ELL: variants seen among roughly 807,000 people sequenced by gnomAD.
ELL encodes the protein RNA polymerase II elongation factor ELL.
Under a neutral mutation model 64.0 loss-of-function variants are expected in ELL, and 18 were observed. That is an observed-to-expected ratio of 0.28 (90% CI 0.19 to 0.42). The LOEUF is 0.42. Among genes scored for constraint, ELL ranks in the 10% least tolerant of loss-of-function variants. ELL has a pLI of 1.00. For missense variants in ELL, 797 were observed against 870.4 expected, an observed-to-expected ratio of 0.92 and a Z score of 1.06; for synonymous variants, 399 against 376.2, an observed-to-expected ratio of 1.06 and a Z score of -0.70.
intron 2 of ELL, among the ~76,000 whole-genome samples, chr19:18,467,725 A>G (rs1600454053): frequency 9.7e-6 from 1 of 103,062 alleles, no homozygotes; most frequent in Admixed American, 1.1e-4. Flanking sequence ...CCACAACCAC[A>G]CAATCCCCAC....
At position 18,446,404 on chromosome 19, in the gene ELL, G is replaced by A. The variant is rs752339488; in HGVS notation, c.1609C>T (p.Arg537Cys). 19 of 1,612,248 alleles carry A rather than the reference G, an allele frequency of 1.2e-5. No individual in the cohort carries two copies. In the Middle Eastern group the frequency reaches 9.9e-4, roughly 84 times the overall value. Residue 537 changes from arginine (R) to cysteine (C), a missense_variant, in exon 10 of 12, where the codon CGC becomes TGC. By Grantham distance (180) the Arg-to-Cys change is radical. Coordinates refer to ENST00000262809, the MANE Select transcript of ELL (RefSeq NM_006532.4). ...CGCTCAATGCGGGCGTGCAGGTCGC[G>A]GTACTCGCTGTACTCGGCATTGAAG... ...NDFNAEYSEY[R>C]DLHARIERIT...
intron 1 of ELL, among the ~76,000 whole-genome samples, chr19:18,483,258 C>T (rs576403530): frequency 6.6e-6 from 1 of 152,290 alleles, no homozygotes; most frequent in African/African-American, 2.4e-5. Flanking sequence ...GGGTCATGAC[C>T]ACAGATGCTC....
At chr19:18,520,922 G>A (rs768819090) in intron 1 of ELL, among the ~76,000 whole-genome samples, 8 of 152,010 alleles carry the variant, frequency 5.3e-5, no homozygotes, top group Admixed American at 1.3e-4. Flanking sequence ...CAGACGGGGG[G>A]AGGGGGGGCC....
rs748345719 is a variant in ELL, at chr19:18,446,786, A to C, written c.1494T>G (p.Ser498Arg). 2 of 1,613,974 alleles carry C rather than the reference A, an allele frequency of 1.2e-6. No individual in the cohort carries two copies. The highest frequency in any genetic ancestry group is 2.7e-5 in the African/African-American group (2 of 74,942). The change falls in exon 9 of 12, where the codon AGT (serine) becomes AGG (arginine). Residue 498 changes from serine (S) to arginine (R), a missense_variant. Physicochemically the swap from Ser to Arg is moderately radical, Grantham distance 110 (BLOSUM62 -1). Transcript: ENST00000262809. ...PGLNGTCSVSSVPTSTSETPD... is the reference protein window; with the variant it reads ...PGLNGTCSVSRVPTSTSETPD... ...GCGTCTCCGACGTGGACGTGGGAAC[A>C]CTGGAAACGCTGCAGGTTCCGTTTA...
chr19:18,522,036 T>A lies in ELL; in HGVS notation c.20A>T (p.Asp7Val), dbSNP rs769937636. 5 of 1,606,338 alleles carry A rather than the reference T, an allele frequency of 3.1e-6. No individual in the cohort carries two copies. In the African/African-American group the frequency reaches 5.4e-5, roughly 17 times the overall value. MAALKE[D>V]RSYGLSCGRV... ...CCCGCACGACAGCCCGTAGCTCCTA[T>A]CCTCCTTCAGCGCCGCCATCTTGCG... Residue 7 changes from aspartate (D) to valine (V), a missense_variant, in exon 1 of 12, where the codon GAT (aspartate) becomes GTT (valine). By Grantham distance (152) the Asp-to-Val change is radical. Transcript: ENST00000262809.
At chr19:18,478,235 C>T (rs8111397) in intron 1 of ELL, among the ~76,000 whole-genome samples, 48,445 of 152,150 alleles carry the variant, frequency 0.32, 9,671 homozygotes, top group African/African-American at 0.57. Context: ...CCAAGCGCCT[C>T]GTTACCTCAT....
intron 1 of ELL, 42 bp downstream of exon 1, chr19:18,521,879 C>CCGGA (rs1435139369): frequency 3.2e-6 from 5 of 1,540,254 alleles, no homozygotes; most frequent in Non-Finnish European, 2.6e-6. Context: ...CGGCCCGCGT[C>CCGGA]CGGACGTTCC....
At chr19:18,444,957 A>C (rs1974382005) in intron 11 of ELL, 89 bp from the exon 12 acceptor site, 1 of 1,410,978 alleles carries the variant, frequency 7.1e-7, no homozygotes, top group Non-Finnish European at 9.6e-7. Flanking sequence ...CCAAACCAAA[A>C]ACCTGGGCTT....
intron 2 of ELL, among the ~76,000 whole-genome samples, chr19:18,469,416 G>A (rs1360086808): frequency 2.6e-5 from 4 of 152,314 alleles, no homozygotes; most frequent in East Asian, 3.9e-4. Flanking sequence ...CACTTTCTTC[G>A]CACTAGCCAA....
intron 1 of ELL, among the ~76,000 whole-genome samples, chr19:18,478,536 T>C (rs1222071180): frequency 6.6e-6 from 1 of 152,086 alleles, no homozygotes; most frequent in Non-Finnish European, 1.5e-5. Context: ...TTACCCAGCA[T>C]GAGGTATGGA....
intron 1 of ELL, among the ~76,000 whole-genome samples, chr19:18,490,804 A>T (rs1271316376): frequency 6.6e-6 from 1 of 152,094 alleles, no homozygotes; most frequent in South Asian, 2.1e-4. Flanking sequence ...CCGCAGCCCC[A>T]GGTGTAGTGC....
At chr19:18,445,456 G>C in intron 10 of ELL, 188 bp from the exon 11 acceptor site, 1 of 624,538 alleles carries the variant, frequency 1.6e-6, no homozygotes, top group South Asian at 1.8e-5. Context: ...TGAGGGAAAG[G>C]CTGCCGGGTC....
At chr19:18,466,668 A>G (rs968538916) in intron 2 of ELL, among the ~76,000 whole-genome samples, 19 of 152,214 alleles carry the variant, frequency 1.2e-4, no homozygotes, top group African/African-American at 4.6e-4. Context: ...ATCACATCAG[A>G]GGCCATTGCA....
At position 18,463,968 on chromosome 19, in the gene ELL, A is replaced by G. The variant is rs542185995; in HGVS notation, c.469+1444T>C. Reference sequence around the variant, plus strand: ...GCCACTGCACTCCAGCCTGGGCGACAGACCGCGACTCCATCTCAAAAAAAA... The same window carrying G: ...GCCACTGCACTCCAGCCTGGGCGACGGACCGCGACTCCATCTCAAAAAAAA... On this transcript the variant is annotated intron_variant, in intron 4 of 11. Transcript: ENST00000262809. Among the ~76,000 whole-genome samples the G allele has an allele frequency of 7.4e-5, 11 of 148,722 alleles. No individual in the cohort carries two copies. The East Asian group carries it at 2.2e-3, about 29-fold the overall frequency.
At chr19:18,466,064 GC>G in intron 2 of ELL, 146 bp from the exon 3 acceptor site, 1 of 803,724 alleles carries the variant, frequency 1.2e-6, no homozygotes, top group Non-Finnish European at 1.7e-6. Context: ...CTGCTCTTCA[GC>G]CAGTGACGGG....
intron 1 of ELL, among the ~76,000 whole-genome samples, chr19:18,496,286 G>C (rs897028104): frequency 1.3e-5 from 2 of 152,256 alleles, no homozygotes; most frequent in African/African-American, 4.8e-5. Flanking sequence ...CCAAGAGGTG[G>C]CCGGGCCACT....
chr19:18,502,200 C>T (rs1177572657), intron 1 of ELL, among the ~76,000 whole-genome samples: 6 of 152,152 alleles, frequency 3.9e-5, no homozygotes, highest in East Asian at 3.9e-4. Flanking sequence ...CCATTGAGGA[C>T]GCACACCCCC....
intron 7 of ELL, 151 bp from the exon 8 acceptor site, chr19:18,451,126 G>T (rs1974524010): frequency 1.7e-6 from 2 of 1,152,932 alleles, no homozygotes; most frequent in Non-Finnish European, 2.3e-6. Context: ...GGTCCCAGGT[G>T]CCGCTCAGGG....
At chr19:18,505,715 G>A (rs1283727700) in intron 1 of ELL, among the ~76,000 whole-genome samples, 1 of 152,118 alleles carries the variant, frequency 6.6e-6, no homozygotes, top group Non-Finnish European at 1.5e-5. Flanking sequence ...AGGAGTGGGG[G>A]CCACGGGATG....
Sources: gnomAD v4.1 joint callset for allele counts (sites outside exome capture counted in the v4.1 genomes callset) on GRCh38, gnomAD v4.1.1 for gene constraint, MANE v1.5 for transcripts, NCBI Gene and HGNC (gene_info 2026-07-23, HGNC 2026-07-21) for gene names.